CELA1: variants seen among roughly 807,000 people sequenced by gnomAD.
CELA1 encodes chymotrypsin-like elastase family member 1.
In CELA1, 28 loss-of-function variants were observed where a neutral mutation model predicts 34.8. The ratio of observed to expected loss-of-function variants is 0.80; its 90% CI spans 0.60 to 1.10. The LOEUF (loss-of-function observed/expected upper bound fraction) is 1.10, where lower values mean the gene tolerates loss of function less well. Ranked by LOEUF, CELA1 falls within the 50% of genes least tolerant of loss-of-function variation. The pLI, the probability that CELA1 is intolerant of heterozygous loss-of-function variation, is 0.00. For missense variants in CELA1, 288 were observed against 327.5 expected (o/e 0.88, Z 0.93); for synonymous variants, 140 against 129.8 (o/e 1.08, Z -0.53).
In CELA1 at chr12:51,335,932, C is replaced by T. The variant is rs187522812; in HGVS notation, c.609+3928G>A. Among the ~76,000 whole-genome samples the T allele has an allele frequency of 3.0e-4, 45 of 152,240 alleles. 1 individual carries two copies. Among genetic ancestry groups the T allele is most frequent in the Admixed American group, 2.7e-3 (41 of 15,272 alleles). ...GATTACAGGCATGAGCTACTACACC[C>T]GGCTGGTTATATGTCTTATTGCCTC... On this transcript the variant is annotated intron_variant, in intron 6 of 7. Coordinates refer to ENST00000293636, the MANE Select transcript of CELA1 (RefSeq NM_001971.6).
At chr12:51,338,785 G>T (rs549510928) in intron 6 of CELA1, among the ~76,000 whole-genome samples, 1 of 152,274 alleles carries the variant, frequency 6.6e-6, no homozygotes, top group South Asian at 2.1e-4. Flanking sequence ...CTGGCATATA[G>T]TAGATATATA....
At chr12:51,334,241 G>C (rs1456862026) in intron 6 of CELA1, among the ~76,000 whole-genome samples, 2 of 152,196 alleles carry the variant, frequency 1.3e-5, no homozygotes, top group Non-Finnish European at 2.9e-5. Flanking sequence ...GGAGGTTATA[G>C]GTGAAGCTGG....
chr12:51,337,482 A>G (rs1304785296), intron 6 of CELA1, among the ~76,000 whole-genome samples: 1 of 125,490 alleles, frequency 8.0e-6, no homozygotes, highest in African/African-American at 3.0e-5. Flanking sequence ...GGCTGCAGTG[A>G]GCCAAGATGG....
In CELA1 at chr12:51,329,771, G is replaced by A; in HGVS notation, c.672C>T (p.Thr224=). The A allele has an allele frequency of 2.5e-6, 4 of 1,613,946 alleles. No homozygotes were observed. Among genetic ancestry groups the A allele is most frequent in the Non-Finnish European group, 3.4e-6 (4 of 1,179,972 alleles). Residue 224 remains threonine, a synonymous_variant, in exon 7 of 8, where the codon ACC becomes ACT. Transcript: ENST00000293636. ...VNGKYSVHGV[T]SFVSSRGCNV... ...TACAGCCCCGGCTGGACACAAAGCTGGTCACTCCATGGACAGAATACTTGC... is the reference window on the plus strand; with the variant it reads ...TACAGCCCCGGCTGGACACAAAGCTAGTCACTCCATGGACAGAATACTTGC...
chr12:51,329,814 A>AG lies in CELA1; in HGVS notation c.628dup (p.Leu210ProfsTer24), dbSNP rs17860363. ...ATACTTGCCATTCACCAAGCAATGG[A>AG]GGGGGCCCCCAGAGTCACCCTGCAG... On this transcript the variant is annotated frameshift_variant, in exon 7 of 8. Transcript: ENST00000293636. LOFTEE classifies it high-confidence loss of function. 0.27 allele frequency: 438,034 copies of AG among 1,611,252 alleles called. 64,234 individuals carry two copies. Among genetic ancestry groups the AG allele is most frequent in the Non-Finnish European group, 0.31 (360,771 of 1,178,792 alleles).
intron 5 of CELA1, 141 bp from the exon 6 acceptor site, chr12:51,340,146 G>A: frequency 1.4e-6 from 1 of 713,520 alleles, no homozygotes; most frequent in Non-Finnish European, 2.3e-6. Context: ...GCATGTGGTG[G>A]ATCCTCTGTC....
chr12:51,341,796 C>A (rs888879808), intron 4 of CELA1, among the ~76,000 whole-genome samples: 5 of 151,878 alleles, frequency 3.3e-5, no homozygotes, highest in African/African-American at 1.2e-4. Flanking sequence ...AATTGACCAC[C>A]GTTTTAATTA....
At chr12:51,334,632 C>G (rs1946490845) in intron 6 of CELA1, among the ~76,000 whole-genome samples, 1 of 152,132 alleles carries the variant, frequency 6.6e-6, no homozygotes, top group African/African-American at 2.4e-5. Flanking sequence ...GACGGGGTTT[C>G]ACCGTGTTAG....
intron 3 of CELA1, 71 bp from the exon 4 acceptor site, chr12:51,342,771 T>C (rs1371958444): frequency 6.7e-6 from 10 of 1,498,960 alleles, no homozygotes; most frequent in Non-Finnish European, 8.9e-6. Context: ...TAGAGAAAAG[T>C]TGAAAAACCA....
At chr12:51,337,688 T>C (rs1054913744) in intron 6 of CELA1, among the ~76,000 whole-genome samples, 2 of 145,422 alleles carry the variant, frequency 1.4e-5, no homozygotes, top group African/African-American at 5.1e-5. Context: ...TTTTTTTCCT[T>C]ACCATTAATA....
rs17860290 is a variant in CELA1, at chr12:51,345,569, G to T, written c.99+226C>A. On this transcript the variant is annotated intron_variant, in intron 2 of 7. Coordinates refer to ENST00000293636, the MANE Select transcript of CELA1 (RefSeq NM_001971.6). ...GAATATAAATGTATCTTGTGTTTGG[G>T]TGTGTGCCTTGAAGAGGGACTGTGG... 2.6e-3 allele frequency among the ~76,000 whole-genome samples: 395 copies of T among 152,334 alleles called. 3 individuals are homozygous for T. The highest frequency in any genetic ancestry group is 8.7e-3 in the African/African-American group (363 of 41,576).
chr12:51,341,163 G>A lies in CELA1; in HGVS notation c.463+81C>T, dbSNP rs189685772. On this transcript the variant is annotated intron_variant, in intron 5 of 7. Transcript: ENST00000293636. ...CTGGTCTCTGGCCATAAGCACCTAG[G>A]ACCACAGAAAAAGGTGTCTTAGAAG... The A allele has an allele frequency of 2.0e-6, 3 of 1,492,998 alleles. No individual in the cohort carries two copies. The East Asian group carries it at 6.8e-5, about 34-fold the overall frequency. 92.5% of individuals were successfully genotyped at this position (1,492,998 alleles called of 1,614,324 possible). A position where few individuals can be genotyped will look rare whatever the true frequency, so the allele number is the denominator to read the frequency against.
At chr12:51,330,969 CAAA>C (rs201798953) in intron 6 of CELA1, among the ~76,000 whole-genome samples, 1 of 79,448 alleles carries the variant, frequency 1.3e-5, no homozygotes, top group Non-Finnish European at 2.3e-5. Context: ...GACTCTGTCT[CAAA>C]AAAAAAAAAA....
At chr12:51,329,615 T>A (rs1425985317) in intron 7 of CELA1, 69 bp downstream of exon 7, 1 of 1,467,276 alleles carries the variant, frequency 6.8e-7, no homozygotes, top group African/African-American at 1.4e-5. Context: ...CCAACGTTTG[T>A]TCCCCAACCC....
chr12:51,337,356 GA>G (rs1305228810), intron 6 of CELA1, among the ~76,000 whole-genome samples: 1 of 152,048 alleles, frequency 6.6e-6, no homozygotes, highest in Non-Finnish European at 1.5e-5. Flanking sequence ...GCATCATAGT[GA>G]AACCTTGTCA....
chr12:51,336,704 G>A (rs183132956), intron 6 of CELA1, among the ~76,000 whole-genome samples: 1 of 152,286 alleles, frequency 6.6e-6, no homozygotes, highest in East Asian at 1.9e-4. Context: ...GACAAAGGTT[G>A]TCCAGAACCA....
At chr12:51,329,013 T>C (rs2137472930) in intron 7 of CELA1, among the ~76,000 whole-genome samples, 1 of 149,462 alleles carries the variant, frequency 6.7e-6, no homozygotes, top group South Asian at 2.1e-4. Flanking sequence ...TCCCAGCACT[T>C]TGGGTGGCAG....
At chr12:51,344,818 G>T (rs762277625) in intron 2 of CELA1, among the ~76,000 whole-genome samples, 3 of 151,578 alleles carry the variant, frequency 2.0e-5, no homozygotes, top group Non-Finnish European at 4.4e-5. Flanking sequence ...CCCACTTCAG[G>T]GACTACTTAG....
At position 51,342,646 on chromosome 12, in the gene CELA1, G is replaced by A. The variant is rs747262122; in HGVS notation, c.255C>T (p.Gly85=). Residue 85 remains glycine, a synonymous_variant, in exon 4 of 8, where the codon GGC becomes GGT. Transcript: ENST00000293636. ...AGDHNLSQND[G]TEQYVSVQKI... The stretch of plus-strand genomic sequence containing the variant: ...TCTGCACACTCACGTACTGCTCAGT[G>A]CCATCATTCTGGCTCAGGTTATGGT... 4 of 1,614,154 alleles carry A rather than the reference G, an allele frequency of 2.5e-6. No homozygotes were observed. The South Asian group carries it at 4.4e-5, about 18-fold the overall frequency.
Sources: gnomAD v4.1 joint callset for allele counts (sites outside exome capture counted in the v4.1 genomes callset) on GRCh38, gnomAD v4.1.1 for gene constraint, MANE v1.5 for transcripts, NCBI Gene and HGNC (gene_info 2026-07-23, HGNC 2026-07-21) for gene names.